ENAH: variants seen among roughly 807,000 people sequenced by gnomAD.
The protein encoded by ENAH is ENAH actin regulator, also known as protein enabled homolog.
A neutral mutation model predicts 78.7 loss-of-function variants in ENAH; 23 were observed. The ratio of observed to expected loss-of-function variants is 0.29; its 90% CI spans 0.21 to 0.41. ENAH has a LOEUF of 0.41. Among genes scored for constraint, ENAH ranks in the 10% least tolerant of loss-of-function variants. The pLI, the probability that ENAH is intolerant of heterozygous loss-of-function variation, is 1.00. For missense variants in ENAH, 544 were observed against 691.0 expected (o/e 0.79, Z 2.39); for synonymous variants, 226 against 241.0 (o/e 0.94, Z 0.58).
chr1:225,624,225 G>A (rs1657523983), intron 1 of ENAH, among the ~76,000 whole-genome samples: 1 of 151,940 alleles, frequency 6.6e-6, no homozygotes, highest in Non-Finnish European at 1.5e-5. Flanking sequence ...ATTGCTTAAG[G>A]CCAGGAGTTC....
At chr1:225,619,694 A>T (rs1315369998) in intron 1 of ENAH, among the ~76,000 whole-genome samples, 1 of 152,310 alleles carries the variant, frequency 6.6e-6, no homozygotes, top group East Asian at 1.9e-4. Context: ...CTTCAGTCTC[A>T]GACATCCCAA....
intron 2 of ENAH, among the ~76,000 whole-genome samples, chr1:225,558,286 AG>A (rs1242101189): frequency 6.6e-6 from 1 of 152,228 alleles, no homozygotes; most frequent in Non-Finnish European, 1.5e-5. Context: ...TCTGGAAAAA[AG>A]TACGTAATAC....
At chr1:225,534,939 A>G (rs1215605747) in intron 3 of ENAH, among the ~76,000 whole-genome samples, 1 of 152,144 alleles carries the variant, frequency 6.6e-6, no homozygotes, top group Non-Finnish European at 1.5e-5. Flanking sequence ...TATGAGAGTG[A>G]GAGTGAAAGA....
chr1:225,643,659 G>A (rs186596414), intron 1 of ENAH, among the ~76,000 whole-genome samples: 4 of 152,304 alleles, frequency 2.6e-5, no homozygotes, highest in Non-Finnish European at 4.4e-5. Context: ...TTACTGGCTG[G>A]ACACAGCAGC....
chr1:225,629,203 G>T (rs545968374), intron 1 of ENAH, among the ~76,000 whole-genome samples: 1 of 152,168 alleles, frequency 6.6e-6, no homozygotes, highest in Admixed American at 6.5e-5. Flanking sequence ...GCTTGAATCC[G>T]GGAGGCAGAG....
chr1:225,510,699 TA>T (rs770906084), intron 10 of ENAH, among the ~76,000 whole-genome samples: 3,173 of 106,010 alleles, frequency 0.03, 44 homozygotes, highest in African/African-American at 0.056. Context: ...CAGAGGTACT[TA>T]AAAAAAAAAA....
chr1:225,552,916 G>A (rs2096648223), intron 3 of ENAH, among the ~76,000 whole-genome samples: 2 of 152,054 alleles, frequency 1.3e-5, no homozygotes, highest in African/African-American at 4.8e-5. Flanking sequence ...TCCACATTAA[G>A]ATTCATTAAT....
intron 3 of ENAH, among the ~76,000 whole-genome samples, chr1:225,542,790 G>A (rs943674386): frequency 2.1e-4 from 32 of 152,104 alleles, no homozygotes; most frequent in African/African-American, 7.0e-4. Flanking sequence ...GGAGACTGAG[G>A]CAGGACATTG....
intron 1 of ENAH, among the ~76,000 whole-genome samples, chr1:225,649,130 A>C (rs1269500383): frequency 1.3e-5 from 2 of 152,190 alleles, no homozygotes; most frequent in Non-Finnish European, 2.9e-5. Flanking sequence ...CTCACTACTC[A>C]GTTAAGAATT....
At chr1:225,612,880 T>C (rs1334790590) in intron 1 of ENAH, among the ~76,000 whole-genome samples, 4 of 151,970 alleles carry the variant, frequency 2.6e-5, no homozygotes, top group Non-Finnish European at 5.9e-5. Context: ...TGCCAAACTA[T>C]TGGGGAATGG....
chr1:225,585,495 T>C (rs1372055390), intron 1 of ENAH, among the ~76,000 whole-genome samples: 1 of 151,544 alleles, frequency 6.6e-6, no homozygotes, highest in African/African-American at 2.4e-5. Flanking sequence ...TAAAAAAAAA[T>C]TGAATAAATT....
rs1194284966 is a variant in ENAH at position 225,497,309 on chromosome 1, T to C, written c.*466A>G. The C allele has an allele frequency of 1.3e-5, 2 of 153,466 alleles. No homozygotes were observed. Among genetic ancestry groups the C allele is most frequent in the Non-Finnish European group, 2.9e-5 (2 of 68,530 alleles). The allele number at this position is 153,466 out of a possible 1,614,324, so 9.5% of individuals were successfully genotyped here. The stretch of plus-strand genomic sequence containing the variant: ...ATTATTCATGGAATATCAAACATGA[T>C]AGGAAGAACAAACCTGAGAGAAACA... On this transcript the variant is annotated 3_prime_UTR_variant, in exon 14 of 14. Transcript: ENST00000366843.
intron 1 of ENAH, among the ~76,000 whole-genome samples, chr1:225,629,075 C>A (rs948576054): frequency 1.3e-5 from 2 of 151,472 alleles, no homozygotes; most frequent in Admixed American, 1.3e-4. Flanking sequence ...GTCAAGAGTT[C>A]GGGACCAGCC....
intron 1 of ENAH, among the ~76,000 whole-genome samples, chr1:225,580,454 A>G (rs1575597498): frequency 6.6e-6 from 1 of 152,250 alleles, no homozygotes; most frequent in Middle Eastern, 3.4e-3. Context: ...TGCATTTATG[A>G]AAGACCCTGA....
At chr1:225,603,819 A>G (rs2096941820) in intron 1 of ENAH, among the ~76,000 whole-genome samples, 1 of 152,232 alleles carries the variant, frequency 6.6e-6, no homozygotes, top group South Asian at 2.1e-4. Context: ...AATCACTACA[A>G]AGAATTTCAC....
intron 2 of ENAH, among the ~76,000 whole-genome samples, chr1:225,565,019 GCA>G (rs2096727729): frequency 6.6e-6 from 1 of 151,988 alleles, no homozygotes; most frequent in Non-Finnish European, 1.5e-5. Flanking sequence ...CAATTTAGAA[GCA>G]CAGTTTTAAA....
chr1:225,563,105 T>C (rs562274153), intron 2 of ENAH, among the ~76,000 whole-genome samples: 14 of 152,364 alleles, frequency 9.2e-5, no homozygotes, highest in Non-Finnish European at 1.3e-4. Flanking sequence ...TTATTGCTTA[T>C]ACAAAAATGC....
intron 2 of ENAH, among the ~76,000 whole-genome samples, chr1:225,567,034 A>T (rs2096738302): frequency 6.6e-6 from 1 of 152,222 alleles, no homozygotes; most frequent in South Asian, 2.1e-4. Flanking sequence ...TCATAAAAGA[A>T]CTTGTATTTC....
chr1:225,576,750 G>A (rs74149853), intron 1 of ENAH, among the ~76,000 whole-genome samples: 2,010 of 152,294 alleles, frequency 0.013, 51 homozygotes, highest in African/African-American at 0.045. Flanking sequence ...GCAAGAGGGC[G>A]GCCATCTGCA....
Sources: allele counts gnomAD v4.1 joint callset (sites outside exome capture counted in the v4.1 genomes callset), GRCh38; gene constraint gnomAD v4.1.1; transcripts MANE v1.5; gene names NCBI Gene and HGNC (gene_info 2026-07-23, HGNC 2026-07-21).